ZNF362: variants seen among roughly 807,000 people sequenced by gnomAD.
The protein encoded by ZNF362 is rotund homolog.
In ZNF362, 11 loss-of-function variants were observed where a neutral mutation model predicts 42.9. The observed-to-expected ratio is 0.26, with a 90% CI of 0.16 to 0.42. ZNF362 has a LOEUF of 0.42. Among genes scored for constraint, ZNF362 ranks in the 20% least tolerant of loss-of-function variants. ZNF362 has a pLI of 1.00. For synonymous variants in ZNF362, 255 were observed against 257.3 expected (o/e 0.99, Z 0.09); for missense variants, 362 against 576.2 (o/e 0.63, Z 3.81).
chr1:33,158,387 A>C, the ZNF362 span: 1 of 1,607,636 alleles, frequency 6.2e-7, no homozygotes, highest in Non-Finnish European at 8.5e-7. Context: ...AGAGCAGGAA[A>C]GGGGGCTGCA....
At chr1:33,130,702 G>C in the ZNF362 span, among the ~76,000 whole-genome samples, 3 of 152,152 alleles carry the variant, frequency 2.0e-5, no homozygotes, top group African/African-American at 7.2e-5. Flanking sequence ...GTGGTTTTAA[G>C]TTTTACCTAA....
the ZNF362 span, among the ~76,000 whole-genome samples, chr1:33,152,410 A>T: frequency 6.6e-6 from 1 of 152,190 alleles, no homozygotes; most frequent in African/African-American, 2.4e-5. Context: ...TACTAAAAAT[A>T]CAAAAAATTA....
chr1:33,240,816 G>A, the ZNF362 span, among the ~76,000 whole-genome samples: 1 of 152,164 alleles, frequency 6.6e-6, no homozygotes, highest in Non-Finnish European at 1.5e-5. Context: ...GACATTCTAT[G>A]TGATTACCTG....
At chr1:33,188,773 T>C in the ZNF362 span, among the ~76,000 whole-genome samples, 1 of 152,328 alleles carries the variant, frequency 6.6e-6, no homozygotes, top group Non-Finnish European at 1.5e-5. Flanking sequence ...TTGTGCATGC[T>C]CTGGGGCAGC....
the ZNF362 span, among the ~76,000 whole-genome samples, chr1:33,149,454 C>A: frequency 7.4e-6 from 1 of 134,836 alleles, no homozygotes; most frequent in Non-Finnish European, 1.6e-5. Context: ...GTGCTGGATT[C>A]TTTTAAAAAA....
At chr1:33,149,638 A>G in the ZNF362 span, among the ~76,000 whole-genome samples, 1 of 151,360 alleles carries the variant, frequency 6.6e-6, no homozygotes, top group African/African-American at 2.4e-5. Context: ...AATTTTTCAT[A>G]GAGATGAGGT....
chr1:33,178,290 A>C, the ZNF362 span, among the ~76,000 whole-genome samples: 340 of 152,332 alleles, frequency 2.2e-3, no homozygotes, highest in African/African-American at 7.9e-3. Context: ...GGGTGGGTTC[A>C]GCCTTATTTC....
the ZNF362 span, among the ~76,000 whole-genome samples, chr1:33,162,026 A>T: frequency 6.6e-6 from 1 of 151,906 alleles, no homozygotes; most frequent in Non-Finnish European, 1.5e-5. Context: ...CATTTTTCCA[A>T]CAGTCTCCCC....
chr1:33,239,374 C>T, the ZNF362 span, among the ~76,000 whole-genome samples: 28 of 152,250 alleles, frequency 1.8e-4, no homozygotes, highest in African/African-American at 5.1e-4. Flanking sequence ...TACATATACT[C>T]ACATGGGTTT....
the ZNF362 span, among the ~76,000 whole-genome samples, chr1:33,220,102 T>C: frequency 5.3e-5 from 8 of 151,440 alleles, no homozygotes; most frequent in Non-Finnish European, 7.4e-5. Context: ...GAGCAGAAGG[T>C]GAGTGCTGGG....
chr1:33,177,513 G>C, the ZNF362 span, among the ~76,000 whole-genome samples: 1 of 152,330 alleles, frequency 6.6e-6, no homozygotes, highest in African/African-American at 2.4e-5. The surrounding 1 kb of genome is among the most constrained non-coding windows in gnomAD (Gnocchi z 4.1). Context: ...ATTGTGCTTA[G>C]TAGGTCAGGG....
upstream of ZNF362, among the ~76,000 whole-genome samples, chr1:33,254,999 C>G (rs142866569): frequency 1.4e-4 from 22 of 152,350 alleles, no homozygotes; most frequent in East Asian, 4.2e-3. Context: ...ATTTCTGAAG[C>G]CCTCTCCACC....
In ZNF362 at chr1:33,266,364, G is replaced by A. The variant is rs1282451156; in HGVS notation, c.-88-4123G>A. On this transcript the variant is annotated intron_variant, in intron 1 of 8. Transcript: ENST00000539719. The surrounding 1 kb of genome is among the most constrained non-coding windows in gnomAD (Gnocchi z 4.3). Reference sequence around the variant, plus strand: ...TAGGCACTTGAGGCCCTACTGCATGGCTGGCGCTGGGCTCTGGGGCTGCAG... The same window carrying A: ...TAGGCACTTGAGGCCCTACTGCATGACTGGCGCTGGGCTCTGGGGCTGCAG... Among the ~76,000 whole-genome samples, 2 of 152,324 alleles carry A rather than the reference G, an allele frequency of 1.3e-5. No individual in the cohort carries two copies. Among genetic ancestry groups the A allele is most frequent in the East Asian group, 3.9e-4 (2 of 5,188 alleles).
At chr1:33,236,555 A>ATATATATATATATATG in the ZNF362 span, among the ~76,000 whole-genome samples, 1 of 100,618 alleles carries the variant, frequency 9.9e-6, no homozygotes, top group Non-Finnish European at 2.1e-5. Context: ...AAAAAAATAT[A>ATATATATATATATATG]TATATATATA....
chr1:33,168,141 G>A, the ZNF362 span, among the ~76,000 whole-genome samples: 1 of 152,174 alleles, frequency 6.6e-6, no homozygotes, highest in Non-Finnish European at 1.5e-5. Flanking sequence ...AGGATGAGGA[G>A]GAGCCAGCCA....
chr1:33,296,666 C>A (rs140065181), intron 8 of ZNF362, among the ~76,000 whole-genome samples: 1 of 152,084 alleles, frequency 6.6e-6, no homozygotes, highest in Non-Finnish European at 1.5e-5. Context: ...TCCATGCAGG[C>A]GAACACTGAG....
At chr1:33,273,719 G>T (rs1395598231) in intron 2 of ZNF362, among the ~76,000 whole-genome samples, 1 of 152,158 alleles carries the variant, frequency 6.6e-6, no homozygotes, top group Non-Finnish European at 1.5e-5. Context: ...CTCCCTCCTG[G>T]TGCCCTTGTT....
At chr1:33,248,657 C>T in the ZNF362 span, among the ~76,000 whole-genome samples, 8 of 152,320 alleles carry the variant, frequency 5.3e-5, no homozygotes, top group South Asian at 4.1e-4. Context: ...TTTCTCCTCC[C>T]GGCACACCTT....
the ZNF362 span, chr1:33,147,213 G>A: frequency 5.6e-6 from 9 of 1,613,890 alleles, no homozygotes; most frequent in Admixed American, 1.7e-5. The surrounding 1 kb of genome is among the most constrained non-coding windows in gnomAD (Gnocchi z 8.1). Flanking sequence ...GCGGCTGAAC[G>A]TTCTTGCCAT....
Sources: allele counts gnomAD v4.1 joint callset (sites outside exome capture counted in the v4.1 genomes callset), GRCh38; gene constraint gnomAD v4.1.1; non-coding constraint Gnocchi (gnomAD v3.1); transcripts MANE v1.5; gene names NCBI Gene and HGNC (gene_info 2026-07-23, HGNC 2026-07-21).